FAM228B: variants seen among roughly 807,000 people sequenced by gnomAD.
FAM228B encodes the protein protein FAM228B.
FAM228B carries 38 observed loss-of-function variants against 42.6 expected under a neutral mutation model. The ratio of observed to expected loss-of-function variants is 0.89; its 90% CI spans 0.69 to 1.17. The LOEUF (loss-of-function observed/expected upper bound fraction) is 1.17, where lower values mean the gene tolerates loss of function less well. Ranked by LOEUF, FAM228B falls within the 50% of genes most tolerant of loss-of-function variation. FAM228B has a pLI of 0.00. For missense variants in FAM228B, 344 were observed against 367.3 expected (o/e 0.94, Z 0.52); for synonymous variants, 109 against 122.3 (o/e 0.89, Z 0.72).
chr2:24,138,092 A>G lies in FAM228B; in HGVS notation c.352A>G (p.Asn118Asp), dbSNP rs1308554838. ...GELDGFLKHV[N>D]KKGNAFIEHY... is the part of the protein sequence containing the mutation. ...ATTAGATGGCTTTTTAAAACATGTA[A>G]ATAAAAAGGTACTAAGAGATCATTT... The change falls in exon 4 of 11, where the codon AAT (asparagine) becomes GAT (aspartate). Residue 118 changes from asparagine (N) to aspartate (D), a missense_variant. Coordinates refer to ENST00000615575, the MANE Select transcript of FAM228B (RefSeq NM_001145710.2). 4.6e-6 allele frequency: 7 copies of G among 1,530,394 alleles called. No individual in the cohort carries two copies. The highest frequency in any genetic ancestry group is 1.8e-6 in the Non-Finnish European group (2 of 1,141,120). 94.8% of individuals were successfully genotyped at this position (1,530,394 alleles called of 1,614,324 possible).
At chr2:24,134,373 C>G (rs77069337) in intron 2 of FAM228B, among the ~76,000 whole-genome samples, 1 of 152,198 alleles carries the variant, frequency 6.6e-6, no homozygotes, top group Non-Finnish European at 1.5e-5. Context: ...TTAGGTGGCA[C>G]TAAGCTTTTA....
At chr2:24,139,515 A>G (rs141104673) in intron 5 of FAM228B, 65 bp downstream of exon 5, 2 of 898,768 alleles carry the variant, frequency 2.2e-6, no homozygotes, top group East Asian at 2.7e-5. Flanking sequence ...CAGCCCTAAT[A>G]TATGAGCAGT....
intron 3 of FAM228B, among the ~76,000 whole-genome samples, chr2:24,135,912 A>G (rs1186736595): frequency 7.0e-6 from 1 of 142,488 alleles, no homozygotes; most frequent in African/African-American, 2.6e-5. Context: ...GGATTAGGTT[A>G]TGCCACACTT....
intron 7 of FAM228B, among the ~76,000 whole-genome samples, chr2:24,153,551 G>A: frequency 6.6e-6 from 1 of 152,222 alleles, no homozygotes; most frequent in East Asian, 1.9e-4. Flanking sequence ...TGCTGTGGCT[G>A]AGCTGGTATC....
rs139737685 is a variant in FAM228B at position 24,152,004 on chromosome 2, G to T, written c.686+4918G>T. Among the ~76,000 whole-genome samples, 273 of 152,172 alleles carry T rather than the reference G, an allele frequency of 1.8e-3. 6 individuals carry two copies. The East Asian group carries it at 0.041, about 23-fold the overall frequency. On this transcript the variant is annotated intron_variant, in intron 7 of 10. Coordinates refer to ENST00000615575, the MANE Select transcript of FAM228B (RefSeq NM_001145710.2). ...CTGCCTCAGCCTCCCGAGTAGCTGG[G>T]ATTACAGATGTGTGCCACCATGCCT...
intron 4 of FAM228B, 40 bp from the exon 5 acceptor site, chr2:24,139,330 A>T: frequency 8.2e-7 from 1 of 1,219,180 alleles, no homozygotes; most frequent in Non-Finnish European, 1.2e-6. Context: ...TTAACTGTGC[A>T]CCTCTTGTTC....
chr2:24,090,562 CAAAAAAAAA>C (rs58611623), intron 2 of FAM228B, among the ~76,000 whole-genome samples: 2 of 81,638 alleles, frequency 2.4e-5, no homozygotes, highest in South Asian at 8.5e-4. Flanking sequence ...CCTCCCATCT[CAAAAAAAAA>C]AAAAAAAAAA....
At chr2:24,097,040 A>C (rs1665511104) in intron 3 of FAM228B, 1 of 152,184 alleles carries the variant, frequency 6.6e-6, no homozygotes, top group African/African-American at 2.4e-5. Flanking sequence ...TCATAAGTAA[A>C]GGAAAAATAA....
At chr2:24,161,447 C>T in intron 7 of FAM228B, 59 bp from the exon 8 acceptor site, 1 of 1,051,474 alleles carries the variant, frequency 9.5e-7, no homozygotes, top group Non-Finnish European at 1.4e-6. Context: ...GATCTTGTCT[C>T]AAAAAACAAC....
chr2:24,106,937 T>G (rs528204639), intron 3 of FAM228B, among the ~76,000 whole-genome samples: 20 of 152,216 alleles, frequency 1.3e-4, no homozygotes, highest in African/African-American at 3.9e-4. Flanking sequence ...AATACTAACC[T>G]TGAATGTAAA....
At chr2:24,092,465 A>G (rs1665411631) in intron 2 of FAM228B, among the ~76,000 whole-genome samples, 1 of 148,458 alleles carries the variant, frequency 6.7e-6, no homozygotes, top group Non-Finnish European at 1.5e-5. Context: ...AATCCCAGCT[A>G]TTCGGGAGGC....
intron 2 of FAM228B, chr2:24,083,156 C>T: frequency 6.3e-7 from 1 of 1,599,648 alleles, no homozygotes; most frequent in Non-Finnish European, 8.5e-7. Context: ...CTTGTCTCTG[C>T]AGAGAAAGAA....
At position 24,123,526 on chromosome 2, in the gene FAM228B, G is replaced by C. The variant is rs1666198258; in HGVS notation, c.-40G>C. 1.3e-5 allele frequency: 2 copies of C among 152,164 alleles called. No homozygotes were observed. The highest frequency in any genetic ancestry group is 1.5e-5 in the Non-Finnish European group (1 of 68,030). 9.4% of individuals were successfully genotyped at this position (152,164 alleles called of 1,614,324 possible). A position where few individuals can be genotyped will look rare whatever the true frequency, so the allele number is the denominator to read the frequency against. On this transcript the variant is annotated 5_prime_UTR_variant, in exon 1 of 11. Transcript: ENST00000615575. The stretch of plus-strand genomic sequence containing the variant: ...GGAGTGCTCGCGCGGCGCTGCGTCC[G>C]GGAGACGGTGGGCGCCAACATTCGC...
At chr2:24,160,059 G>A (rs1667252376) in intron 7 of FAM228B, among the ~76,000 whole-genome samples, 1 of 151,296 alleles carries the variant, frequency 6.6e-6, no homozygotes, top group African/African-American at 2.4e-5. Context: ...CGTGACCTTG[G>A]CTAACTGCAG....
chr2:24,140,886 C>T (rs907111283), intron 5 of FAM228B, among the ~76,000 whole-genome samples: 9 of 150,780 alleles, frequency 6.0e-5, no homozygotes, highest in African/African-American at 1.7e-4. Flanking sequence ...CACGTGAACC[C>T]GGGAGGTGGA....
chr2:24,093,672 G>A (rs556572296), intron 2 of FAM228B, among the ~76,000 whole-genome samples: 2 of 151,702 alleles, frequency 1.3e-5, no homozygotes, highest in East Asian at 1.9e-4. Flanking sequence ...CTGAAGTGCA[G>A]TGGCACAATC....
At chr2:24,120,916 G>C (rs186579927), upstream of FAM228B, among the ~76,000 whole-genome samples, 180 of 151,320 alleles carry the variant, frequency 1.2e-3, no homozygotes, top group Admixed American at 3.6e-3. Flanking sequence ...ATGAAGGTGG[G>C]ACTGTATTGG....
chr2:24,100,553 C>A (rs1665586655), intron 3 of FAM228B, among the ~76,000 whole-genome samples: 1 of 152,168 alleles, frequency 6.6e-6, no homozygotes, highest in Admixed American at 6.5e-5. Flanking sequence ...CAAATCAAAA[C>A]CACAATGAGA....
chr2:24,135,728 C>T (rs1366093375), intron 3 of FAM228B, among the ~76,000 whole-genome samples: 1 of 152,030 alleles, frequency 6.6e-6, no homozygotes, highest in Admixed American at 6.6e-5. Context: ...AGGGACTCGG[C>T]CTAGCAGACC....
Sources: gnomAD v4.1 joint callset for allele counts (sites outside exome capture counted in the v4.1 genomes callset) on GRCh38, gnomAD v4.1.1 for gene constraint, MANE v1.5 for transcripts, NCBI Gene and HGNC (gene_info 2026-07-23, HGNC 2026-07-21) for gene names.